The following MYBBP1A variants were observed in gnomAD, a reference collection of about 807,000 sequenced individuals.
MYBBP1A encodes MYB binding protein 1a.
Under a neutral mutation model 136.3 loss-of-function variants are expected in MYBBP1A, and 147 were observed. The ratio of observed to expected loss-of-function variants is 1.08; its 90% CI spans 0.94 to 1.24. The LOEUF (loss-of-function observed/expected upper bound fraction) is 1.24. Ranked by LOEUF, MYBBP1A falls within the 50% of genes most tolerant of loss-of-function variation. MYBBP1A has a pLI of 0.00. For missense variants in MYBBP1A, 2,060 were observed against 1,727.4 expected (o/e 1.19, Z -3.41); for synonymous variants, 947 against 735.8 (o/e 1.29, Z -4.65).
chr17:4,550,166 T>G lies in MYBBP1A; in HGVS notation c.1211A>C (p.Gln404Pro), dbSNP rs1176201694. Residue 404 changes from glutamine (Q) to proline (P), a missense_variant, in exon 9 of 26, where the codon CAG (glutamine) becomes CCG (proline). Gln to Pro is a moderately conservative substitution (Grantham distance 76). Coordinates refer to ENST00000254718, the MANE Select transcript of MYBBP1A (RefSeq NM_014520.4). ...GGCCCGCAGCCAGGCCACATAGCCC[T>G]GCAGGGCCGGAGGGCTCAGGAACCG... is the stretch of plus-strand genomic sequence containing the variant. ...VVRFLSPPAL[Q>P]GYVAWLRAMF... The G allele has an allele frequency of 6.2e-7, 1 of 1,613,942 alleles. No individual in the cohort carries two copies. Among genetic ancestry groups the G allele is most frequent in the East Asian group, 2.2e-5 (1 of 44,880 alleles).
At chr17:4,540,128 GCCCCT>G (rs1454422434) in intron 25 of MYBBP1A, among the ~76,000 whole-genome samples, 161 bp from the exon 26 acceptor site, 36 of 148,676 alleles carry the variant, frequency 2.4e-4, no homozygotes, top group African/African-American at 7.7e-4. Context: ...GTCCTGCGAG[GCCCCT>G]GGGTCCTGCG....
chr17:4,545,189 G>A lies in MYBBP1A; in HGVS notation c.2161-14C>T, dbSNP rs1181018298. The stretch of plus-strand genomic sequence containing the variant: ...CTCGCTCTTGTCCTGTGTGGTAGAG[G>A]CAGGCGCGTCACACACCTCCCCGAT... On this transcript the variant is annotated splice_polypyrimidine_tract_variant and intron_variant, in intron 16 of 25. Transcript: ENST00000254718. The A allele has an allele frequency of 5.6e-6, 9 of 1,613,148 alleles. No individual in the cohort carries two copies. The highest frequency in any genetic ancestry group is 1.7e-5 in the Admixed American group (1 of 59,978).
rs1260992888 is a variant in MYBBP1A at position 4,555,335 on chromosome 17, C to A, written c.-11G>T. The stretch of plus-strand genomic sequence containing the variant: ...ATCCCGGCTCTCCATCTCCGCCACA[C>A]TCACCGAAACACGAAACACGTGTGC... On this transcript the variant is annotated 5_prime_UTR_variant, in exon 1 of 26. Coordinates refer to ENST00000254718, the MANE Select transcript of MYBBP1A (RefSeq NM_014520.4). The A allele has an allele frequency of 6.3e-7, 1 of 1,588,498 alleles. No individual in the cohort carries two copies. The highest frequency in any genetic ancestry group is 1.8e-5 in the Admixed American group (1 of 55,602).
chr17:4,554,364 T>G lies in MYBBP1A; in HGVS notation c.295-86A>C, dbSNP rs986663018. 2.5e-6 allele frequency: 3 copies of G among 1,193,874 alleles called. No homozygotes were observed. In the African/African-American group the frequency reaches 4.6e-5, roughly 18 times the overall value. 74.0% of individuals were successfully genotyped at this position (1,193,874 alleles called of 1,614,324 possible). On this transcript the variant is annotated intron_variant, in intron 2 of 25. Transcript: ENST00000254718. ...ACAAACCTTAACCTCCCTTCCCCCT[T>G]CAACTTCTCCCAAGAAGCCTCAGGT...
Position 4,543,093 on chromosome 17 carries a change from C to T in MYBBP1A, c.2712G>A (p.Val904=). The change falls in exon 20 of 26, where the codon GTG becomes GTA. Residue 904 remains valine (V), a synonymous_variant. Transcript: ENST00000254718. ...GGCCAGCCTGCTGCACCAACCGCTC[C>T]ACCTGGGCGTGCAGGGCCCCTGCGC... ...GERAGALHAQ[V]ERLVQQAGRQ... 2 of 1,613,106 alleles carry T rather than the reference C, an allele frequency of 1.2e-6. No individual in the cohort carries two copies. The highest frequency in any genetic ancestry group is 1.1e-5 in the South Asian group (1 of 91,068).
In MYBBP1A at chr17:4,548,416, G is replaced by C; in HGVS notation, c.1557-106C>G. ...TCTCCCGCCTCTCCAGGACCTACTA[G>C]AACTCCGGGGGCCTCTGCCGTTGTT... On this transcript the variant is annotated intron_variant, in intron 11 of 25. Coordinates refer to ENST00000254718, the MANE Select transcript of MYBBP1A (RefSeq NM_014520.4). This position sits in a 1 kb window ranked among gnomAD's most constrained non-coding sequence, Gnocchi z 4.2. 6.2e-7 allele frequency: 1 copy of C among 1,604,988 alleles called. No homozygotes were observed. The highest frequency in any genetic ancestry group is 1.1e-5 in the South Asian group (1 of 90,738).
Position 4,547,958 on chromosome 17 carries a change from C to T in MYBBP1A, c.1824G>A (p.Lys608=). ...LLLLVGIHLL[K]SPAESCDLLG... ...GCCCCTCCCTCCCAGGCCCCAGTAC[C>T]TTGAGGAGGTGGATGCCCACGAGGA... The change falls in exon 13 of 26, where the codon AAG becomes AAA. Residue 608 remains lysine (K), a splice_region_variant and synonymous_variant. Transcript: ENST00000254718. 1 of 1,504,990 alleles carries T rather than the reference C, an allele frequency of 6.6e-7. No individual in the cohort carries two copies. 93.2% of individuals were successfully genotyped at this position (1,504,990 alleles called of 1,614,324 possible).
chr17:4,547,160 G>A (rs1209918764), intron 13 of MYBBP1A, among the ~76,000 whole-genome samples: 6 of 151,992 alleles, frequency 3.9e-5, no homozygotes, highest in Non-Finnish European at 7.4e-5. Flanking sequence ...CACCTGCCTT[G>A]GTCTCCGGAA....
intron 22 of MYBBP1A, 136 bp downstream of exon 22, chr17:4,542,328 C>G (rs1906514820): frequency 9.7e-7 from 1 of 1,031,390 alleles, no homozygotes; most frequent in East Asian, 2.4e-5. Flanking sequence ...GTACCCACAG[C>G]CAAGCCAGTG....
At chr17:4,541,920 A>G in intron 22 of MYBBP1A, 29 bp from the exon 23 acceptor site, 1 of 1,588,508 alleles carries the variant, frequency 6.3e-7, no homozygotes, top group Non-Finnish European at 8.6e-7. Flanking sequence ...GGGTGGCAGG[A>G]GCCTTGGCAC....
At chr17:4,545,455 G>A in intron 15 of MYBBP1A, 110 bp from the exon 16 acceptor site, 1 of 1,527,164 alleles carries the variant, frequency 6.5e-7, no homozygotes. Flanking sequence ...CGGAGCCTAG[G>A]AGAGGCGGCC....
chr17:4,542,176 G>C, intron 22 of MYBBP1A: 1 of 586,912 alleles, frequency 1.7e-6, no homozygotes, highest in South Asian at 2.2e-5. Context: ...CCTGGCACCA[G>C]AGCAGACACT....
At chr17:4,550,900 G>A (rs542082254) in intron 8 of MYBBP1A, among the ~76,000 whole-genome samples, 251 of 152,378 alleles carry the variant, frequency 1.6e-3, no homozygotes, top group Non-Finnish European at 3.1e-3. Flanking sequence ...TATTGTCATT[G>A]CACAGGTGAG....
At chr17:4,547,019 C>A (rs1907073316) in intron 13 of MYBBP1A, among the ~76,000 whole-genome samples, 1 of 151,794 alleles carries the variant, frequency 6.6e-6, no homozygotes, top group East Asian at 1.9e-4. Flanking sequence ...TTAAGCAATT[C>A]TCCTGCTTCA....
chr17:4,550,110 C>G lies in MYBBP1A; in HGVS notation c.1267G>C (p.Val423Leu), dbSNP rs1303044212. The G allele has an allele frequency of 3.1e-6, 5 of 1,614,006 alleles. No individual in the cohort carries two copies. The East Asian group carries it at 1.1e-4, about 36-fold the overall frequency. ...TTCTGGTTGTTGGTGCTGAAGTCAA[C>G]CAAGGAGTCCAGGTCTGGCTGGAGA... ...MFLQPDLDSL[V>L]DFSTNNQKKA... Residue 423 changes from valine to leucine, a missense_variant, in exon 9 of 26, where the codon GTT (valine) becomes CTT (leucine). By Grantham distance (32) the Val-to-Leu change is conservative. Transcript: ENST00000254718.
rs757924192 is a variant in MYBBP1A at position 4,548,198 on chromosome 17, G to A, written c.1669C>T (p.His557Tyr). 1 of 1,607,614 alleles carries A rather than the reference G, an allele frequency of 6.2e-7. No homozygotes were observed. Among genetic ancestry groups the A allele is most frequent in the Admixed American group, 1.7e-5 (1 of 60,000 alleles). Residue 557 changes from histidine to tyrosine, a missense_variant, in exon 12 of 26, where the codon CAC becomes TAC. Coordinates refer to ENST00000254718, the MANE Select transcript of MYBBP1A (RefSeq NM_014520.4). This position sits in a 1 kb window ranked among gnomAD's most constrained non-coding sequence, Gnocchi z 4.2. ...AAGGGTGTCACGGTGGTCACGTTGTGGCTGTGATTCAACAGGAGGTCTGCG... is the reference window on the plus strand; with the variant it reads ...AAGGGTGTCACGGTGGTCACGTTGTAGCTGTGATTCAACAGGAGGTCTGCG... ...QFADLLLNHS[H>Y]NVTTVTPFTA...
intron 22 of MYBBP1A, 163 bp downstream of exon 22, chr17:4,542,301 C>A (rs554098205): frequency 2.1e-5 from 17 of 801,630 alleles, no homozygotes; most frequent in South Asian, 1.6e-4. Flanking sequence ...GGCACGGCCA[C>A]CCCCTTCAGA....
Position 4,545,684 on chromosome 17 carries a change from G to C in MYBBP1A, c.1999C>G (p.Arg667Gly). Reference sequence around the variant, plus strand: ...CCAAACACGCTCCGGGCCACCTGGCGCATGAGGTGGCTGGGCTGGGCCAAC... The same window carrying C: ...CCAAACACGCTCCGGGCCACCTGGCCCATGAGGTGGCTGGGCTGGGCCAAC... ...ALLAQPSHLM[R>G]QVARSVFGHI... The change falls in exon 15 of 26, where the codon CGC (arginine) becomes GGC (glycine). Residue 667 changes from arginine to glycine, a missense_variant. Transcript: ENST00000254718. The C allele has an allele frequency of 1.2e-6, 2 of 1,611,342 alleles. No individual in the cohort carries two copies. The highest frequency in any genetic ancestry group is 8.5e-7 in the Non-Finnish European group (1 of 1,178,342).
rs1259943907 is a variant in MYBBP1A, at chr17:4,552,477, G to T, written c.711C>A (p.Asn237Lys). Residue 237 changes from asparagine (N) to lysine (K), a missense_variant, in exon 6 of 26, where the codon AAC (asparagine) becomes AAA (lysine). Coordinates refer to ENST00000254718, the MANE Select transcript of MYBBP1A (RefSeq NM_014520.4). This position sits in a 1 kb window ranked among gnomAD's most constrained non-coding sequence, Gnocchi z 4.7. ...TGGGGACATTCTCATCTGAGAATAG[G>T]TTCACGGATCCCACCAGCTTCTTGA... ...SKLKKLVGSV[N>K]LFSDENVPRL... The T allele has an allele frequency of 6.2e-7, 1 of 1,613,472 alleles. No homozygotes were observed. The highest frequency in any genetic ancestry group is 8.5e-7 in the Non-Finnish European group (1 of 1,180,028).
Sources: gnomAD v4.1 joint callset for allele counts (sites outside exome capture counted in the v4.1 genomes callset) on GRCh38, gnomAD v4.1.1 for gene constraint, Gnocchi (gnomAD v3.1) non-coding constraint, MANE v1.5 for transcripts, NCBI Gene and HGNC (gene_info 2026-07-23, HGNC 2026-07-21) for gene names.